BRAP: variants seen among roughly 807,000 people sequenced by gnomAD.
The protein encoded by BRAP is BRCA1 associated protein, also known as BRCA1-associated protein.
In BRAP, 42 loss-of-function variants were observed where a neutral mutation model predicts 73.4. That is an observed-to-expected ratio of 0.57 (90% CI 0.45 to 0.74). The LOEUF (loss-of-function observed/expected upper bound fraction) is 0.74. BRAP is among the 30% of genes least tolerant of loss of function. The probability of loss-of-function intolerance (pLI) is 0.00; values close to 1 mark genes in which losing one functional copy is unlikely to be tolerated. For synonymous variants in BRAP, 255 were observed against 267.4 expected, an observed-to-expected ratio of 0.95 and a Z score of 0.45; for missense variants, 593 against 751.4, an observed-to-expected ratio of 0.79 and a Z score of 2.46.
At chr12:111,657,090 C>G (rs1468663617) in intron 9 of BRAP, among the ~76,000 whole-genome samples, 2 of 151,994 alleles carry the variant, frequency 1.3e-5, no homozygotes, top group African/African-American at 4.8e-5. Flanking sequence ...GTCGCCCAGG[C>G]TGGAGTGCAA....
intron 3 of BRAP, 120 bp downstream of exon 3, chr12:111,681,517 G>A: frequency 1.3e-6 from 1 of 748,846 alleles, no homozygotes; most frequent in Non-Finnish European, 2.1e-6. Context: ...ACAGACAAAA[G>A]TATTATTATT....
intron 3 of BRAP, among the ~76,000 whole-genome samples, chr12:111,680,920 T>C (rs1264175086): frequency 6.6e-6 from 1 of 151,924 alleles, no homozygotes; most frequent in Non-Finnish European, 1.5e-5. Context: ...CCACAGAAAA[T>C]GGTAAAAAAG....
At chr12:111,652,435 G>A (rs1886362790) in intron 10 of BRAP, among the ~76,000 whole-genome samples, 3 of 151,950 alleles carry the variant, frequency 2.0e-5, no homozygotes, top group Non-Finnish European at 4.4e-5. Flanking sequence ...GTGTTAGCCA[G>A]GATGGTCTAG....
rs1468723864 is a variant in BRAP at position 111,644,293 on chromosome 12, A to C, written c.1685T>G (p.Ile562Ser). 6.2e-7 allele frequency: 1 copy of C among 1,613,824 alleles called. No homozygotes were observed. Among genetic ancestry groups the C allele is most frequent in the Admixed American group, 1.7e-5 (1 of 59,960 alleles). Reference sequence around the variant, plus strand: ...CGAGGCCGAGGCCATGGCGATGTTGATCTGTCCCTCCTGGATTTCCTGCCG... The same window carrying C: ...CGAGGCCGAGGCCATGGCGATGTTGCTCTGTCCCTCCTGGATTTCCTGCCG... ...ETRQEIQEGQ[I>S]NIAMASASSP... The change falls in exon 12 of 12, where the codon ATC (isoleucine) becomes AGC (serine). Residue 562 changes from isoleucine to serine, a missense_variant. Around this residue, in one of 4 missense-constraint regions of BRAP, gnomAD observed 79 missense variants for 65.3 expected, o/e 1.21. Transcript: ENST00000419234.
intron 7 of BRAP, 92 bp from the exon 8 acceptor site, chr12:111,659,437 T>A (rs1886658105): frequency 1.6e-6 from 2 of 1,271,662 alleles, no homozygotes; most frequent in Admixed American, 2.2e-5. Context: ...ATGGATCACC[T>A]GAGGTCAGGA....
At chr12:111,672,827 T>G in intron 4 of BRAP, 53 bp from the exon 5 acceptor site, 1 of 1,412,124 alleles carries the variant, frequency 7.1e-7, no homozygotes, top group Non-Finnish European at 9.9e-7. Flanking sequence ...ACCCTGAAAA[T>G]CTGCTTTATA....
chr12:111,676,831 A>G (rs1261692987), intron 4 of BRAP, among the ~76,000 whole-genome samples: 1 of 152,152 alleles, frequency 6.6e-6, no homozygotes, highest in Non-Finnish European at 1.5e-5. Context: ...TATTCTCACT[A>G]CAGCCGATAT....
intron 5 of BRAP, among the ~76,000 whole-genome samples, chr12:111,671,857 TG>T (rs1887187996): frequency 6.6e-6 from 1 of 151,834 alleles, no homozygotes; most frequent in Non-Finnish European, 1.5e-5. Context: ...GGCTAATTTT[TG>T]TATTTTTTGT....
At chr12:111,683,774 C>G (rs1314772289) in intron 1 of BRAP, among the ~76,000 whole-genome samples, 1 of 152,068 alleles carries the variant, frequency 6.6e-6, no homozygotes, top group Non-Finnish European at 1.5e-5. Context: ...CTCCTGGCCT[C>G]AAAGTGATCC....
At chr12:111,670,483 G>A (rs1451435993) in intron 5 of BRAP, 1 of 226,766 alleles carries the variant, frequency 4.4e-6, no homozygotes, top group Admixed American at 5.4e-5. Context: ...AGACCTTCAG[G>A]TCTACTTAAT....
At chr12:111,683,430 T>G (rs1887680684) in intron 1 of BRAP, 123 bp from the exon 2 acceptor site, 3 of 1,139,940 alleles carry the variant, frequency 2.6e-6, no homozygotes, top group Non-Finnish European at 3.7e-6. Flanking sequence ...AAGAAGCCTT[T>G]GTAGTATCCA....
At chr12:111,677,993 C>T (rs1887450443) in intron 4 of BRAP, among the ~76,000 whole-genome samples, 1 of 152,170 alleles carries the variant, frequency 6.6e-6, no homozygotes, top group African/African-American at 2.4e-5. Flanking sequence ...TCGCTCACGC[C>T]TGTAATCCCA....
At chr12:111,680,327 G>A (rs1484229560) in intron 3 of BRAP, among the ~76,000 whole-genome samples, 1 of 152,116 alleles carries the variant, frequency 6.6e-6, no homozygotes, top group East Asian at 1.9e-4. Context: ...GGCTGGAATA[G>A]AGAGGAAAGA....
chr12:111,669,903 A>G, intron 5 of BRAP: 1 of 653,140 alleles, frequency 1.5e-6, no homozygotes, highest in Non-Finnish European at 2.8e-6. Context: ...TTTCGCTCCC[A>G]TAGCTTCTGG....
At chr12:111,662,447 G>A (rs1184612397) in intron 6 of BRAP, among the ~76,000 whole-genome samples, 1 of 152,106 alleles carries the variant, frequency 6.6e-6, no homozygotes, top group East Asian at 1.9e-4. Context: ...CTACTTGGGA[G>A]GCTGAGGCAG....
intron 7 of BRAP, among the ~76,000 whole-genome samples, 158 bp downstream of exon 7, chr12:111,660,442 G>A (rs1324113189): frequency 6.6e-6 from 1 of 151,864 alleles, no homozygotes; most frequent in Non-Finnish European, 1.5e-5. Context: ...TCGAGGCCAG[G>A]AGTTCGAGAC....
chr12:111,682,757 C>T (rs376666131), intron 2 of BRAP, among the ~76,000 whole-genome samples: 41 of 152,018 alleles, frequency 2.7e-4, no homozygotes, highest in African/African-American at 6.0e-4. Context: ...ACTGAAAATA[C>T]AAAAATTACC....
At chr12:111,681,577 GCA>G (rs1448588168) in intron 3 of BRAP, 58 bp downstream of exon 3, 2 of 1,248,860 alleles carry the variant, frequency 1.6e-6, no homozygotes, top group African/African-American at 4.0e-5. Context: ...CTATGCTAAA[GCA>G]AAGCAAAAAA....
intron 6 of BRAP, among the ~76,000 whole-genome samples, chr12:111,663,831 G>T (rs1212286379): frequency 6.6e-6 from 1 of 152,140 alleles, no homozygotes; most frequent in East Asian, 1.9e-4. Context: ...AGGGCAAATG[G>T]CATGTCTTAC....
Sources: gnomAD v4.1 joint callset for allele counts (sites outside exome capture counted in the v4.1 genomes callset) on GRCh38, gnomAD v4.1.1 for gene constraint, gnomAD v4.1.1 regional missense constraint, MANE v1.5 for transcripts, NCBI Gene and HGNC (gene_info 2026-07-23, HGNC 2026-07-21) for gene names.